The following CLUH variants were observed in gnomAD, a reference collection of about 807,000 sequenced individuals.
CLUH encodes CLUH binding protein of NUMT mRNA.
Under a neutral mutation model 139.3 loss-of-function variants are expected in CLUH, and 77 were observed. The observed-to-expected ratio is 0.55, with a 90% confidence interval of 0.46 to 0.67. CLUH has a LOEUF of 0.67. Among genes scored for constraint, CLUH ranks in the 30% least tolerant of loss-of-function variants. The probability of loss-of-function intolerance (pLI) is 0.00; values close to 1 mark genes in which losing one functional copy is unlikely to be tolerated. For synonymous variants in CLUH, 999 were observed against 801.6 expected, an observed-to-expected ratio of 1.25 and a Z score of -4.16; for missense variants, 1,876 against 1,875.8, an observed-to-expected ratio of 1.00 and a Z score of 0.00.
Position 2,706,407 on chromosome 17 carries a change from G to A in CLUH, c.101-1843C>T, listed in dbSNP as rs186920015. On this transcript the variant is annotated intron_variant, in intron 1 of 25. Transcript: ENST00000651024. The surrounding 1 kb of genome is among the most constrained non-coding windows in gnomAD (Gnocchi z 4.6). Reference sequence around the variant, plus strand: ...CCTAAGGTCAACCAAGTCAGAATGGGCCCCAGACTCCCTCCTGCAGCCCGC... The same window carrying A: ...CCTAAGGTCAACCAAGTCAGAATGGACCCCAGACTCCCTCCTGCAGCCCGC... Among the ~76,000 whole-genome samples the A allele has an allele frequency of 1.0e-3, 156 of 152,138 alleles. No homozygotes were observed. Among genetic ancestry groups the A allele is most frequent in the African/African-American group, 3.5e-3 (146 of 41,504 alleles).
At chr17:2,697,121 C>T (rs867840197) in intron 10 of CLUH, among the ~76,000 whole-genome samples, 179 bp from the exon 11 acceptor site, 1 of 152,146 alleles carries the variant, frequency 6.6e-6, no homozygotes, top group Non-Finnish European at 1.5e-5. Context: ...AAAAGGCGGC[C>T]GGGCGTGGTG....
chr17:2,696,589 G>C (rs981493290), intron 11 of CLUH, 51 bp from the exon 12 acceptor site: 3 of 1,531,450 alleles, frequency 2.0e-6, no homozygotes, highest in Non-Finnish European at 2.6e-6. Context: ...CACCGGTGGA[G>C]CTGGGCTGCG....
In CLUH at chr17:2,690,544, G is replaced by T; in HGVS notation, c.*50C>A. 7.2e-7 allele frequency: 1 copy of T among 1,388,082 alleles called. No individual in the cohort carries two copies. Among genetic ancestry groups the T allele is most frequent in the East Asian group, 2.8e-5 (1 of 35,172 alleles). The allele number at this position is 1,388,082 out of a possible 1,614,324, so 86.0% of individuals were successfully genotyped here. A position where few individuals can be genotyped will look rare whatever the true frequency, so the allele number is the denominator to read the frequency against. ...AGGCTCGCCCCCTTCTCCCGCAGTC[G>T]GGCTCCCTGGTGACGGGGCCGCTGG... On this transcript the variant is annotated 3_prime_UTR_variant, in exon 26 of 26. Coordinates refer to ENST00000651024, the MANE Select transcript of CLUH (RefSeq NM_001366661.1).
intron 13 of CLUH, chr17:2,695,847 C>T (rs114004408): frequency 8.6e-6 from 5 of 579,496 alleles, no homozygotes; most frequent in Non-Finnish European, 1.5e-5. Flanking sequence ...TGGAACCAGA[C>T]ACAGAGCCTG....
At chr17:2,690,894 G>C (rs998305530) in intron 25 of CLUH, 117 bp from the exon 26 acceptor site, 1 of 763,842 alleles carries the variant, frequency 1.3e-6, no homozygotes, top group African/African-American at 1.8e-5. Context: ...TGGGGAATGT[G>C]TGTGAACAAG....
At chr17:2,696,112 A>G in intron 13 of CLUH, 47 bp downstream of exon 13, 1 of 1,436,426 alleles carries the variant, frequency 7.0e-7, no homozygotes, top group Non-Finnish European at 9.6e-7. Context: ...ATGAGGGACC[A>G]GCACCCTCCA....
At position 2,698,299 on chromosome 17, in the gene CLUH, C is replaced by T. The variant is rs1182801165; in HGVS notation, c.1558G>A (p.Val520Ile). The part of the protein sequence containing the change: ...TVVVDYRGYR[V>I]TAQSIIPGIL... ...CCGGGGATGATGGACTGGGCCGTGA[C>T]CCGGTAGCCGCGGTAATCCACCACC... The change falls in exon 10 of 26, where the codon GTC becomes ATC. Residue 520 changes from valine to isoleucine, a missense_variant. Physicochemically the swap from Val to Ile is conservative, Grantham distance 29. Transcript: ENST00000651024. 6.2e-7 allele frequency: 1 copy of T among 1,612,438 alleles called. No homozygotes were observed. The highest frequency in any genetic ancestry group is 8.5e-7 in the Non-Finnish European group (1 of 1,179,572).
chr17:2,702,321 C>G (rs952202709), intron 3 of CLUH, among the ~76,000 whole-genome samples: 1 of 152,242 alleles, frequency 6.6e-6, no homozygotes, highest in Non-Finnish European at 1.5e-5. Context: ...GAAGCACACA[C>G]AGGCCTCAGG....
rs1408095038 is a variant in CLUH at position 2,707,386 on chromosome 17, C to T, written c.101-2822G>A. ...GGGGCCAGGCCTGCCATGGCAGCCCCAGGAAGGGCACACTCCCCCTGCCTG... is the reference window on the plus strand; with the variant it reads ...GGGGCCAGGCCTGCCATGGCAGCCCTAGGAAGGGCACACTCCCCCTGCCTG... On this transcript the variant is annotated intron_variant, in intron 1 of 25. Transcript: ENST00000651024. The surrounding 1 kb of genome is among the most constrained non-coding windows in gnomAD (Gnocchi z 7.4). 5.1e-6 allele frequency: 5 copies of T among 985,304 alleles called. No individual in the cohort carries two copies. The highest frequency in any genetic ancestry group is 6.0e-6 in the Non-Finnish European group (5 of 829,926). The allele number at this position is 985,304 out of a possible 1,614,324, so 61.0% of individuals were successfully genotyped here.
At position 2,691,766 on chromosome 17, in the gene CLUH, G is replaced by A. The variant is rs761360860; in HGVS notation, c.3784C>T (p.Leu1262Phe). ...CCGCTCCGCCCCGGACTCACCTTGA[G>A]GGGCGGGATGTTGGCGCTGGAGCCG... ...RNGSSANIPP[L>F]KFTAPSMASV... The change falls in exon 24 of 26, where the codon CTC (leucine) becomes TTC (phenylalanine). Residue 1262 changes from leucine to phenylalanine, a missense_variant. Transcript: ENST00000651024. The A allele has an allele frequency of 1.9e-6, 3 of 1,595,936 alleles. No individual in the cohort carries two copies. Among genetic ancestry groups the A allele is most frequent in the South Asian group, 2.3e-5 (2 of 88,586 alleles).
At chr17:2,694,706 C>A (rs997045228) in intron 16 of CLUH, 142 bp from the exon 17 acceptor site, 9 of 1,341,732 alleles carry the variant, frequency 6.7e-6, no homozygotes, top group Non-Finnish European at 6.0e-6. Context: ...GCTGCCCTCA[C>A]CCTCCAGCAC....
intron 14 of CLUH, 23 bp from the exon 15 acceptor site, chr17:2,695,303 T>C (rs780977482): frequency 2.5e-6 from 4 of 1,613,292 alleles, no homozygotes; most frequent in Non-Finnish European, 3.4e-6. Flanking sequence ...AGAAGGGAGG[T>C]CTTGGTCAGG....
In CLUH at chr17:2,694,158, TG is replaced by T; in HGVS notation, c.3055del (p.His1019IlefsTer15). On this transcript the variant is annotated frameshift_variant, in exon 18 of 26. Transcript: ENST00000651024. LOFTEE classifies it high-confidence loss of function. Reference sequence around the variant, plus strand: ...TTTGGCCTGCCCGCTCTGGAAGAAATGGAAGGCATCCGAGGCCTTGGGGTTG... The same window carrying T: ...TTTGGCCTGCCCGCTCTGGAAGAAATGAAGGCATCCGAGGCCTTGGGGTTG... ...HVNPKASDAF[H>X]FFQSGQAKVQ... 6.2e-7 allele frequency: 1 copy of T among 1,613,462 alleles called. No homozygotes were observed. Among genetic ancestry groups the T allele is most frequent in the South Asian group, 1.1e-5 (1 of 91,020 alleles).
chr17:2,700,545 T>G (rs1275275621), intron 8 of CLUH, 71 bp from the exon 9 acceptor site: 5 of 1,561,164 alleles, frequency 3.2e-6, no homozygotes, highest in Non-Finnish European at 4.3e-6. Flanking sequence ...AAGTCGCTCC[T>G]TCTACCTTCC....
rs867623639 is a variant in CLUH, at chr17:2,698,149, G to A, written c.1708C>T (p.Arg570Trp). ...ERTSRPLKIL[R>W]HQVLNDRDEE... Reference sequence around the variant, plus strand: ...TCACGGTCGTTGAGCACCTGGTGCCGCAGGATCTTGAGGGGCCGACTCGTG... The same window carrying A: ...TCACGGTCGTTGAGCACCTGGTGCCACAGGATCTTGAGGGGCCGACTCGTG... The change falls in exon 10 of 26, where the codon CGG becomes TGG. Residue 570 changes from arginine to tryptophan, a missense_variant. Arg to Trp is a moderately radical substitution (Grantham distance 101, BLOSUM62 -3). This residue lies in a region of CLUH where 1,454 missense variants were observed against 1,384.4 expected (regional missense o/e 1.05). Coordinates refer to ENST00000651024, the MANE Select transcript of CLUH (RefSeq NM_001366661.1). 5.1e-6 allele frequency: 8 copies of A among 1,580,152 alleles called. No homozygotes were observed. Among genetic ancestry groups the A allele is most frequent in the Non-Finnish European group, 6.9e-6 (8 of 1,164,306 alleles).
rs9910553 is a variant in CLUH at position 2,706,254 on chromosome 17, T to G, written c.101-1690A>C. Among the ~76,000 whole-genome samples, 1,786 of 152,170 alleles carry G rather than the reference T, an allele frequency of 0.012. 29 individuals carry two copies. Among genetic ancestry groups the G allele is most frequent in the African/African-American group, 0.035 (1,453 of 41,486 alleles). On this transcript the variant is annotated intron_variant, in intron 1 of 25. Coordinates refer to ENST00000651024, the MANE Select transcript of CLUH (RefSeq NM_001366661.1). The surrounding 1 kb of genome is among the most constrained non-coding windows in gnomAD (Gnocchi z 4.6). ...ACGGAAAGGCAGAGACCGGGGGGCC[T>G]GGAGAGAGTCGCTCCCTTTCCCTGG... is the stretch of plus-strand genomic sequence containing the variant.
rs1285640647 is a variant in CLUH at position 2,694,274 on chromosome 17, G to A, written c.2940C>T (p.Val980=). ...TGTCGAAGCTGTACTCCTTCAGCAG[G>A]ACCTGGGGGGCAGCCCCCCCACCAC... is the stretch of plus-strand genomic sequence containing the variant. ...REISLKTGIQ[V]LLKEYSFDSR... is the part of the protein sequence containing the mutation. The change falls in exon 18 of 26, where the codon GTC becomes GTT. Residue 980 remains valine, a splice_region_variant and synonymous_variant. Coordinates refer to ENST00000651024, the MANE Select transcript of CLUH (RefSeq NM_001366661.1). 6.3e-6 allele frequency: 10 copies of A among 1,581,910 alleles called. No homozygotes were observed. The highest frequency in any genetic ancestry group is 8.6e-6 in the Non-Finnish European group (10 of 1,161,942).
In CLUH at chr17:2,708,865, G is replaced by A. The variant is rs78299222; in HGVS notation, c.100+2697C>T. Among the ~76,000 whole-genome samples the A allele has an allele frequency of 2.2e-3, 171 of 77,646 alleles. 2 individuals carry two copies. The highest frequency in any genetic ancestry group is 3.7e-3 in the Non-Finnish European group (132 of 35,472). 50.9% of individuals were successfully genotyped at this position (77,646 alleles called of 152,430 possible). On this transcript the variant is annotated intron_variant, in intron 1 of 25. Transcript: ENST00000651024. ...TCCAGGCCTCAGCCTCTACTCGGGGGGGGGGGAGCAGAACTATCCCAGTCA... is the reference window on the plus strand; with the variant it reads ...TCCAGGCCTCAGCCTCTACTCGGGGAGGGGGGAGCAGAACTATCCCAGTCA...
At position 2,698,596 on chromosome 17, in the gene CLUH, G is replaced by A. The variant is rs964844408; in HGVS notation, c.1267-6C>T. ...GCGGTGAAGTCGCTGTGCACCTGGC[G>A]GGGGTCGAGGAGGGCAGGGTTAGAG... On this transcript the variant is annotated splice_region_variant and splice_polypyrimidine_tract_variant and intron_variant, in intron 9 of 25. Transcript: ENST00000651024. The A allele has an allele frequency of 9.5e-6, 15 of 1,584,258 alleles. No individual in the cohort carries two copies. The African/African-American group carries it at 1.5e-4, about 16-fold the overall frequency.
Sources: allele counts gnomAD v4.1 joint callset (sites outside exome capture counted in the v4.1 genomes callset), GRCh38; gene constraint gnomAD v4.1.1; regional missense constraint gnomAD v4.1.1; non-coding constraint Gnocchi (gnomAD v3.1); transcripts MANE v1.5; gene names NCBI Gene and HGNC (gene_info 2026-07-23, HGNC 2026-07-21).